Variants in TRIM31 observed in about 807,000 individuals in gnomAD.
The protein encoded by TRIM31 is tripartite motif containing 31, also known as E3 ubiquitin-protein ligase TRIM31.
TRIM31 carries 31 observed loss-of-function variants against 40.6 expected under a neutral mutation model. The observed-to-expected ratio is 0.76, with a 90% CI of 0.57 to 1.03. The LOEUF (loss-of-function observed/expected upper bound fraction) is 1.03, where lower values mean the gene tolerates loss of function less well. TRIM31 is among the 50% of genes least tolerant of loss of function. TRIM31 has a pLI of 0.00. For synonymous variants in TRIM31, 164 were observed against 193.9 expected, an observed-to-expected ratio of 0.85 and a Z score of 1.28; for missense variants, 455 against 497.5, an observed-to-expected ratio of 0.91 and a Z score of 0.81.
chr6:30,107,218 C>T (rs753169567), intron 6 of TRIM31, among the ~76,000 whole-genome samples: 23 of 152,138 alleles, frequency 1.5e-4, no homozygotes, highest in Non-Finnish European at 3.2e-4. Context: ...AAAGCTCAGA[C>T]AACAAAATTA....
chr6:30,109,124 G>T, intron 4 of TRIM31, 76 bp from the exon 5 acceptor site: 1 of 1,488,366 alleles, frequency 6.7e-7, no homozygotes, highest in East Asian at 2.3e-5. Context: ...TACAGAGCCT[G>T]CTGGGTGTGG....
At chr6:30,106,288 T>A (rs754172056) in intron 6 of TRIM31, among the ~76,000 whole-genome samples, 55 of 152,206 alleles carry the variant, frequency 3.6e-4, no homozygotes, top group Non-Finnish European at 6.8e-4. Flanking sequence ...TCATGGGGAC[T>A]GCTCAGGGGA....
chr6:30,112,599 C>A lies in TRIM31; in HGVS notation c.207G>T (p.Ser69=). The change falls in exon 2 of 9, where the codon TCG becomes TCT. Residue 69 remains serine (S), a synonymous_variant. Coordinates refer to ENST00000376734, the MANE Select transcript of TRIM31 (RefSeq NM_007028.5). ...TTTTCTCCACCAGATTCCGCAACAG[C>A]GAGTTGAACCTGATTGCGTTCTTCC... ...SVRKNAIRFN[S]LLRNLVEKIQ... The A allele has an allele frequency of 6.2e-7, 1 of 1,613,044 alleles. No individual in the cohort carries two copies. Among genetic ancestry groups the A allele is most frequent in the Non-Finnish European group, 8.5e-7 (1 of 1,180,016 alleles).
At chr6:30,111,355 G>C (rs966184397) in intron 3 of TRIM31, 3 of 408,966 alleles carry the variant, frequency 7.3e-6, no homozygotes, top group Non-Finnish European at 1.3e-5. Flanking sequence ...TTTCTAATTG[G>C]GGAATCCGTT....
At chr6:30,105,417 G>C in intron 6 of TRIM31, 175 bp from the exon 7 acceptor site, 1 of 581,414 alleles carries the variant, frequency 1.7e-6, no homozygotes, top group South Asian at 2.2e-5. Context: ...TGCCCTTTCT[G>C]ATTTCCTGTG....
rs774206719 is a variant in TRIM31, at chr6:30,113,047, C to G, written c.-84+17G>C. Reference sequence around the variant, plus strand: ...AGAAAATATTATAAAGAGAGGAAAACAGATGGGCAGTCCTACCTTGCTACC... The same window carrying G: ...AGAAAATATTATAAAGAGAGGAAAAGAGATGGGCAGTCCTACCTTGCTACC... On this transcript the variant is annotated intron_variant, in intron 1 of 8. Transcript: ENST00000376734. 49 of 498,046 alleles carry G rather than the reference C, an allele frequency of 9.8e-5. No homozygotes were observed. Among genetic ancestry groups the G allele is most frequent in the Middle Eastern group, 1.0e-3 (2 of 2,000 alleles). The allele number at this position is 498,046 out of a possible 1,614,324, so 30.9% of individuals were successfully genotyped here.
intron 2 of TRIM31, 110 bp downstream of exon 2, chr6:30,112,279 A>C (rs901789160): frequency 2.3e-6 from 3 of 1,317,340 alleles, no homozygotes; most frequent in Non-Finnish European, 3.1e-6. Context: ...CTCAAGCCCA[A>C]GGGGTGGGGG....
At position 30,111,668 on chromosome 6, in the gene TRIM31, G is replaced by A. The variant is rs1458257899; in HGVS notation, c.493C>T (p.His165Tyr). The A allele has an allele frequency of 6.2e-7, 1 of 1,614,222 alleles. No homozygotes were observed. Among genetic ancestry groups the A allele is most frequent in the South Asian group, 1.1e-5 (1 of 91,090 alleles). Residue 165 changes from histidine (H) to tyrosine (Y), a missense_variant, in exon 3 of 9, where the codon CAC becomes TAC. Coordinates refer to ENST00000376734, the MANE Select transcript of TRIM31 (RefSeq NM_007028.5). ...CTTACCGTGAAGACATCGACCCTGT[G>A]TACACCTTGTGCCTTCACTTGTACT... ...ETVQVKAQGV[H>Y]RVDVFTDQVE...
In TRIM31 at chr6:30,110,547, T is replaced by A; in HGVS notation, c.645A>T (p.Lys215Asn). 1 of 1,614,184 alleles carries A rather than the reference T, an allele frequency of 6.2e-7. No homozygotes were observed. Among genetic ancestry groups the A allele is most frequent in the Non-Finnish European group, 8.5e-7 (1 of 1,180,032 alleles). Reference sequence around the variant, plus strand: ...GTGGCTCAGTGGAGGCAACATAGTGTTTCCCCGCTTCCGTTCCCTCATGAC... The same window carrying A: ...GTGGCTCAGTGGAGGCAACATAGTGATTCCCCGCTTCCGTTCCCTCATGAC... ...WLGHEGTEAG[K>N]HYVASTEPQL... Residue 215 changes from lysine (K) to asparagine (N), a missense_variant, in exon 4 of 9, where the codon AAA becomes AAT. Coordinates refer to ENST00000376734, the MANE Select transcript of TRIM31 (RefSeq NM_007028.5).
chr6:30,104,287 T>G, intron 7 of TRIM31, 120 bp from the exon 8 acceptor site: 16 of 933,784 alleles, frequency 1.7e-5, no homozygotes, highest in Non-Finnish European at 2.3e-5. Context: ...GTGGGACCCA[T>G]TCCCCACCCA....
In TRIM31 at chr6:30,111,759, C is replaced by T. The variant is rs756388094; in HGVS notation, c.418-16G>A. 6.2e-7 allele frequency: 1 copy of T among 1,613,470 alleles called. No homozygotes were observed. Among genetic ancestry groups the T allele is most frequent in the South Asian group, 1.1e-5 (1 of 91,060 alleles). ...GAATCTGCCCCTGCGGAAAGAGGGC[C>T]GTTTGGACAGGCTGTGCCTGGAGAT... On this transcript the variant is annotated splice_polypyrimidine_tract_variant and intron_variant, in intron 2 of 8. Coordinates refer to ENST00000376734, the MANE Select transcript of TRIM31 (RefSeq NM_007028.5).
At position 30,105,257 on chromosome 6, in the gene TRIM31, A is replaced by G; in HGVS notation, c.884-15T>C. 6.2e-7 allele frequency: 1 copy of G among 1,604,914 alleles called. No homozygotes were observed. Among genetic ancestry groups the G allele is most frequent in the Non-Finnish European group, 8.5e-7 (1 of 1,173,358 alleles). ...CTGGAGTTGGTCTGGGGAATAAAGA[A>G]TGGGATGAAATGGTGAGAGTCCAGA... On this transcript the variant is annotated splice_polypyrimidine_tract_variant and intron_variant, in intron 6 of 8. Coordinates refer to ENST00000376734, the MANE Select transcript of TRIM31 (RefSeq NM_007028.5).
At chr6:30,109,739 G>A (rs1769103088) in intron 4 of TRIM31, among the ~76,000 whole-genome samples, 1 of 152,066 alleles carries the variant, frequency 6.6e-6, no homozygotes, top group African/African-American at 2.4e-5. Context: ...AAATTAGCTG[G>A]GCGTGGTGGT....
rs756360360 is a variant in TRIM31, at chr6:30,103,618, G to A, written c.1196C>T (p.Ala399Val). Reference protein sequence around the residue: ...SSQDTKTFDVALSEELHAALS... With the variant: ...SSQDTKTFDVVLSEELHAALS... The stretch of plus-strand genomic sequence containing the variant: ...TGCCGCATGGAGCTCCTCGGACAGC[G>A]CAACGTCAAATGTCTTCGTATCCTG... The change falls in exon 9 of 9, where the codon GCG (alanine) becomes GTG (valine). Residue 399 changes from alanine (A) to valine (V), a missense_variant. By Grantham distance (64) the Ala-to-Val change is moderately conservative (BLOSUM62 0). Coordinates refer to ENST00000376734, the MANE Select transcript of TRIM31 (RefSeq NM_007028.5). 49 of 1,612,920 alleles carry A rather than the reference G, an allele frequency of 3.0e-5. No individual in the cohort carries two copies. Among genetic ancestry groups the A allele is most frequent in the Middle Eastern group, 1.6e-4 (1 of 6,084 alleles).
intron 3 of TRIM31, chr6:30,111,379 G>C (rs1464717787): frequency 4.2e-6 from 2 of 473,052 alleles, no homozygotes; most frequent in Non-Finnish European, 7.5e-6. Flanking sequence ...GGCGCAGCTC[G>C]GCCTTAAAAA....
At chr6:30,105,983 C>T (rs1768644496) in intron 6 of TRIM31, among the ~76,000 whole-genome samples, 2 of 152,228 alleles carry the variant, frequency 1.3e-5, no homozygotes, top group South Asian at 2.1e-4. Context: ...AGACAGAGCT[C>T]CTGCAAGGGG....
intron 7 of TRIM31, among the ~76,000 whole-genome samples, chr6:30,104,897 T>G (rs73728144): frequency 6.6e-6 from 1 of 152,150 alleles, no homozygotes; most frequent in Non-Finnish European, 1.5e-5. Flanking sequence ...GCCTCCTTCT[T>G]GTCCCACTTT....
At chr6:30,112,090 G>C in intron 2 of TRIM31, 3 of 553,100 alleles carry the variant, frequency 5.4e-6, no homozygotes, top group Non-Finnish European at 9.5e-6. Context: ...CTGAGGCTCA[G>C]AGAGGTAAAG....
rs768626137 is a variant in TRIM31 at position 30,110,668 on chromosome 6, T to C, written c.524A>G (p.Glu175Gly). 1.2e-6 allele frequency: 2 copies of C among 1,614,044 alleles called. No homozygotes were observed. Among genetic ancestry groups the C allele is most frequent in the Non-Finnish European group, 1.7e-6 (2 of 1,180,018 alleles). Residue 175 changes from glutamate to glycine, a missense_variant, in exon 4 of 9, where the codon GAA becomes GGA. By Grantham distance (98) the Glu-to-Gly change is moderately conservative. Coordinates refer to ENST00000376734, the MANE Select transcript of TRIM31 (RefSeq NM_007028.5). ...TGTGAGGATCCTTTGCTTCTCATGT[T>C]CTACCTGGTCCTAAGAAACAGGGAC... ...HRVDVFTDQV[E>G]HEKQRILTEF...
Sources: gnomAD v4.1 joint callset for allele counts (sites outside exome capture counted in the v4.1 genomes callset) on GRCh38, gnomAD v4.1.1 for gene constraint, MANE v1.5 for transcripts, NCBI Gene and HGNC (gene_info 2026-07-23, HGNC 2026-07-21) for gene names.